PGM5: variants seen among roughly 807,000 people sequenced by gnomAD.
The protein encoded by PGM5 is phosphoglucomutase-like protein 5.
PGM5 carries 23 observed loss-of-function variants against 59.2 expected under a neutral mutation model. The ratio of observed to expected loss-of-function variants is 0.39; its 90% CI spans 0.28 to 0.55. PGM5 has a LOEUF of 0.55. PGM5 is among the 20% of genes least tolerant of loss of function. The probability of loss-of-function intolerance (pLI) is 0.66; values close to 1 mark genes in which losing one functional copy is unlikely to be tolerated. For synonymous variants in PGM5, 214 were observed against 286.0 expected (o/e 0.75, Z 2.54); for missense variants, 574 against 748.3 (o/e 0.77, Z 2.72).
At chr9:68,366,708 A>T (rs2262105) in intron 1 of PGM5, among the ~76,000 whole-genome samples, 1 of 128,476 alleles carries the variant, frequency 7.8e-6, no homozygotes, top group Admixed American at 7.8e-5. Flanking sequence ...TTATATGACC[A>T]TGGGGAAGTC....
intron 6 of PGM5, among the ~76,000 whole-genome samples, chr9:68,409,872 TAAAAAA>T (rs200990186): frequency 7.3e-6 from 1 of 137,490 alleles, no homozygotes; most frequent in Non-Finnish European, 1.6e-5. Context: ...ACTTAAAGTA[TAAAAAA>T]AAAAAAAAAA....
At chr9:68,435,288 G>A (rs550005315) in intron 6 of PGM5, among the ~76,000 whole-genome samples, 1 of 152,134 alleles carries the variant, frequency 6.6e-6, no homozygotes, top group South Asian at 2.1e-4. Context: ...ACACCATACA[G>A]TTTGCACATT....
At chr9:68,395,715 G>C (rs1166876432) in intron 6 of PGM5, 1 of 151,970 alleles carries the variant, frequency 6.6e-6, no homozygotes, top group Non-Finnish European at 1.5e-5. Context: ...AATGTTTTAT[G>C]AATTTAATTT....
Position 68,365,727 on chromosome 9 carries a change from T to C in PGM5, c.261+8339T>C, listed in dbSNP as rs1834666819. Among the ~76,000 whole-genome samples the C allele has an allele frequency of 2.0e-5, 3 of 152,316 alleles. No homozygotes were observed. In the South Asian group the frequency reaches 6.2e-4, roughly 32 times the overall value. ...TTAATTATTGCCTTTGTATTCTTTTTCTCTAGTAAACATCCTGGTTTTTAG... is the reference window on the plus strand; with the variant it reads ...TTAATTATTGCCTTTGTATTCTTTTCCTCTAGTAAACATCCTGGTTTTTAG... On this transcript the variant is annotated intron_variant, in intron 1 of 10. Transcript: ENST00000396396.
Position 68,421,889 on chromosome 9 carries a change from TAA to T in PGM5, c.1043+29417_1043+29418del, listed in dbSNP as rs1211787226. 2.0e-5 allele frequency among the ~76,000 whole-genome samples: 3 copies of T among 151,746 alleles called. No homozygotes were observed. In the Admixed American group the frequency reaches 2.0e-4, roughly 10 times the overall value. Reference sequence around the variant, plus strand: ...GTAGAATCTAACTTTATACTGTTTATAAGAGATATGTCTAAAAAATGTGATTC... The same window carrying T: ...GTAGAATCTAACTTTATACTGTTTATGAGATATGTCTAAAAAATGTGATTC... On this transcript the variant is annotated intron_variant, in intron 6 of 10. Transcript: ENST00000396396.
At position 68,407,018 on chromosome 9, in the gene PGM5, C is replaced by G. The variant is rs1187583355; in HGVS notation, c.1043+14545C>G. ...ACTCTGCTGTGTGAACCTCACATAT[C>G]TCTATTTTATAGTTTTTCAGATTAC... On this transcript the variant is annotated intron_variant, in intron 6 of 10. Coordinates refer to ENST00000396396, the MANE Select transcript of PGM5 (RefSeq NM_021965.4). 5.3e-5 allele frequency among the ~76,000 whole-genome samples: 8 copies of G among 151,988 alleles called. No individual in the cohort carries two copies. In the East Asian group the frequency reaches 1.2e-3, roughly 22 times the overall value.
At chr9:68,513,865 A>G (rs1824787303) in intron 10 of PGM5, among the ~76,000 whole-genome samples, 1 of 152,146 alleles carries the variant, frequency 6.6e-6, no homozygotes, top group Non-Finnish European at 1.5e-5. Flanking sequence ...GTGTTTCTAT[A>G]TTGTTGAATC....
chr9:68,446,887 G>T (rs1013913300), intron 6 of PGM5, among the ~76,000 whole-genome samples: 29 of 152,056 alleles, frequency 1.9e-4, no homozygotes, highest in African/African-American at 5.3e-4. Context: ...TCTCCTGATC[G>T]GCATTCCTCC....
chr9:68,407,999 C>T (rs2132036041), intron 6 of PGM5, among the ~76,000 whole-genome samples: 1 of 152,280 alleles, frequency 6.6e-6, no homozygotes, highest in East Asian at 1.9e-4. Context: ...ATAATGACTT[C>T]AGAAAAATTC....
At chr9:68,424,128 A>T (rs10780922) in intron 6 of PGM5, among the ~76,000 whole-genome samples, 94,417 of 151,972 alleles carry the variant, frequency 0.62, 29,280 homozygotes, top group South Asian at 0.64. Context: ...CATCTGGAAA[A>T]GTTTCCTATG....
chr9:68,456,137 T>C (rs1554684806), intron 6 of PGM5, among the ~76,000 whole-genome samples: 1 of 152,132 alleles, frequency 6.6e-6, no homozygotes, highest in African/African-American at 2.4e-5. Flanking sequence ...CAGAGAGGGG[T>C]TTGCTGGATT....
intron 6 of PGM5, chr9:68,399,396 G>A (rs1822607088): frequency 6.6e-6 from 1 of 152,170 alleles, no homozygotes; most frequent in Non-Finnish European, 1.5e-5. Flanking sequence ...ACTCCAGAAT[G>A]CCCATCTCTT....
intron 10 of PGM5, 65 bp downstream of exon 10, chr9:68,499,426 T>C (rs537370943): frequency 1.9e-6 from 3 of 1,543,294 alleles, no homozygotes; most frequent in African/African-American, 1.4e-5. Flanking sequence ...GAGAGCTCCA[T>C]GGGCCTTTAG....
chr9:68,507,605 A>G (rs1824678893), intron 10 of PGM5, among the ~76,000 whole-genome samples: 1 of 149,358 alleles, frequency 6.7e-6, no homozygotes, highest in African/African-American at 2.5e-5. Flanking sequence ...TTTTTTTTTA[A>G]GAAACAAGAA....
chr9:68,497,222 C>T (rs576395864), intron 9 of PGM5: 2 of 152,152 alleles, frequency 1.3e-5, no homozygotes, highest in Non-Finnish European at 2.9e-5. Flanking sequence ...AGTTTCTGTT[C>T]GTTGTAAAAA....
At chr9:68,410,109 G>A (rs1191673469) in intron 6 of PGM5, among the ~76,000 whole-genome samples, 10 of 152,150 alleles carry the variant, frequency 6.6e-5, no homozygotes, top group South Asian at 2.1e-4. Context: ...TGGGAGCTCC[G>A]GCCACCATGC....
rs560568942 is a variant in PGM5 at position 68,506,524 on chromosome 9, T to G, written c.1614+7163T>G. On this transcript the variant is annotated intron_variant, in intron 10 of 10. Coordinates refer to ENST00000396396, the MANE Select transcript of PGM5 (RefSeq NM_021965.4). Reference sequence around the variant, plus strand: ...CTTTAACAACAGTTGTAAAAGTGAATAGCGTCTTAAAAACAACCAGTTTTC... The same window carrying G: ...CTTTAACAACAGTTGTAAAAGTGAAGAGCGTCTTAAAAACAACCAGTTTTC... Among the ~76,000 whole-genome samples, 14 of 152,322 alleles carry G rather than the reference T, an allele frequency of 9.2e-5. No individual in the cohort carries two copies. The South Asian group carries it at 2.7e-3, about 29-fold the overall frequency.
chr9:68,504,390 C>T (rs375394657), intron 10 of PGM5, among the ~76,000 whole-genome samples: 61 of 152,282 alleles, frequency 4.0e-4, no homozygotes, highest in Non-Finnish European at 6.8e-4. Flanking sequence ...GAGAAGAGCC[C>T]AAACCCTTAC....
intron 4 of PGM5, among the ~76,000 whole-genome samples, chr9:68,391,230 A>G (rs1373268144): frequency 6.6e-6 from 1 of 151,826 alleles, no homozygotes; most frequent in Non-Finnish European, 1.5e-5. Context: ...GCAACAGACA[A>G]TGAATCATTA....
Sources: gnomAD v4.1 joint callset for allele counts (sites outside exome capture counted in the v4.1 genomes callset) on GRCh38, gnomAD v4.1.1 for gene constraint, MANE v1.5 for transcripts, NCBI Gene and HGNC (gene_info 2026-07-23, HGNC 2026-07-21) for gene names.